Variants in DOCK4 observed in about 807,000 individuals in gnomAD.
DOCK4 encodes dedicator of cytokinesis protein 4.
In DOCK4, 97 loss-of-function variants were observed where a neutral mutation model predicts 268.1. The observed-to-expected ratio is 0.36, with a 90% CI of 0.31 to 0.43. The LOEUF (loss-of-function observed/expected upper bound fraction) is 0.43, where lower values mean the gene tolerates loss of function less well. Ranked by LOEUF, DOCK4 falls within the 20% of genes least tolerant of loss-of-function variation. The pLI, the probability that DOCK4 is intolerant of heterozygous loss-of-function variation, is 1.00. For missense variants in DOCK4, 2,145 were observed against 2,455.7 expected (o/e 0.87, Z 2.67); for synonymous variants, 954 against 887.2 (o/e 1.08, Z -1.34).
chr7:112,056,526 A>G (rs1563040519), intron 1 of DOCK4, among the ~76,000 whole-genome samples: 1 of 152,170 alleles, frequency 6.6e-6, no homozygotes, highest in Non-Finnish European at 1.5e-5. Flanking sequence ...ACCATGACGC[A>G]TTCAGAAAGA....
At chr7:112,194,503 A>T (rs191629697) in intron 1 of DOCK4, among the ~76,000 whole-genome samples, 26 of 152,370 alleles carry the variant, frequency 1.7e-4, no homozygotes, top group Non-Finnish European at 4.4e-5. Flanking sequence ...TCATATAACA[A>T]GGAAAGCTAC....
intron 1 of DOCK4, among the ~76,000 whole-genome samples, chr7:112,080,487 T>C (rs1053708033): frequency 1.3e-5 from 2 of 152,218 alleles, no homozygotes; most frequent in Admixed American, 1.3e-4. Context: ...GTTACATATC[T>C]GCCAGTTTTT....
chr7:112,037,609 T>C (rs1803928565), intron 1 of DOCK4, among the ~76,000 whole-genome samples: 2 of 152,248 alleles, frequency 1.3e-5, no homozygotes, highest in South Asian at 4.1e-4. Context: ...TATATCCATG[T>C]CATTGTGTAT....
chr7:111,733,342 CTGGG>C (rs1340425656), intron 51 of DOCK4, among the ~76,000 whole-genome samples: 3 of 152,226 alleles, frequency 2.0e-5, no homozygotes, highest in African/African-American at 7.2e-5. Context: ...TCTGTGTGCT[CTGGG>C]TCCTAAGGGG....
At chr7:111,840,797 G>T in intron 25 of DOCK4, 1 of 1,328,904 alleles carries the variant, frequency 7.5e-7, no homozygotes, top group African/African-American at 1.5e-5. Context: ...TTTTCCATAT[G>T]TGTCTGCACA....
intron 52 of DOCK4, among the ~76,000 whole-genome samples, chr7:111,730,731 C>T (rs1665535044): frequency 6.6e-6 from 1 of 152,110 alleles, no homozygotes; most frequent in African/African-American, 2.4e-5. Context: ...TAATGTAACC[C>T]AGGAGGTATA....
chr7:112,079,712 G>A (rs1376487331), intron 1 of DOCK4, among the ~76,000 whole-genome samples: 3 of 152,128 alleles, frequency 2.0e-5, no homozygotes, highest in Non-Finnish European at 4.4e-5. Context: ...CTGTGCTTTA[G>A]TTTCTTATTT....
At chr7:111,897,748 G>A (rs10953698) in intron 15 of DOCK4, among the ~76,000 whole-genome samples, 159 of 152,268 alleles carry the variant, frequency 1.0e-3, no homozygotes, top group Non-Finnish European at 2.0e-3. Context: ...CAAACTGGAC[G>A]TTACTCAACT....
chr7:111,785,043 C>T (rs1799068950), intron 32 of DOCK4, among the ~76,000 whole-genome samples: 1 of 152,184 alleles, frequency 6.6e-6, no homozygotes, highest in African/African-American at 2.4e-5. Flanking sequence ...AGTTTTCTCT[C>T]CATCATCCCC....
chr7:111,741,507 C>A (rs889969337), intron 46 of DOCK4, 33 bp downstream of exon 46: 1 of 1,607,328 alleles, frequency 6.2e-7, no homozygotes, highest in Non-Finnish European at 8.5e-7. Context: ...GCGGGTGAGG[C>A]CAAATTGTAA....
At chr7:112,172,129 G>A (rs1437398222) in intron 1 of DOCK4, among the ~76,000 whole-genome samples, 1 of 152,156 alleles carries the variant, frequency 6.6e-6, no homozygotes, top group South Asian at 2.1e-4. Flanking sequence ...TGAATTAGGG[G>A]TGAAGAGACA....
intron 13 of DOCK4, among the ~76,000 whole-genome samples, chr7:111,902,469 A>T (rs1368012119): frequency 1.3e-5 from 2 of 152,240 alleles, no homozygotes; most frequent in African/African-American, 2.4e-5. Flanking sequence ...GGTGATTTAT[A>T]AAACTTGAGT....
At chr7:111,821,855 A>C (rs1195908131) in intron 27 of DOCK4, 1 of 152,556 alleles carries the variant, frequency 6.6e-6, no homozygotes, top group Non-Finnish European at 1.5e-5. Context: ...AGAATTAAGA[A>C]AGATCAGAAA....
At chr7:112,132,398 C>G (rs1327990003) in intron 1 of DOCK4, among the ~76,000 whole-genome samples, 1 of 152,126 alleles carries the variant, frequency 6.6e-6, no homozygotes, top group Non-Finnish European at 1.5e-5. Flanking sequence ...CAGGAAAAAT[C>G]TGGGATAAAA....
chr7:111,744,184 G>T (rs1393017074), intron 44 of DOCK4, among the ~76,000 whole-genome samples: 5 of 152,126 alleles, frequency 3.3e-5, no homozygotes, highest in African/African-American at 1.2e-4. Flanking sequence ...TAGCAACCTT[G>T]GGCCAAGTGG....
intron 1 of DOCK4, among the ~76,000 whole-genome samples, chr7:112,086,261 A>G (rs1167747478): frequency 6.6e-6 from 1 of 152,132 alleles, no homozygotes; most frequent in Non-Finnish European, 1.5e-5. Context: ...GGAAATCCAG[A>G]AAAACTAGCT....
chr7:111,931,771 T>C (rs1212372609), intron 12 of DOCK4, among the ~76,000 whole-genome samples: 1 of 152,198 alleles, frequency 6.6e-6, no homozygotes, highest in African/African-American at 2.4e-5. Flanking sequence ...CTAGTGGCTT[T>C]AAAGTGGGTA....
intron 13 of DOCK4, 60 bp from the exon 14 acceptor site, chr7:111,901,861 C>T (rs1366324960): frequency 4.6e-6 from 6 of 1,312,322 alleles, no homozygotes; most frequent in East Asian, 2.5e-5. Flanking sequence ...TAATAAAGTG[C>T]TCTATCAAGA....
intron 30 of DOCK4, among the ~76,000 whole-genome samples, chr7:111,791,854 G>A (rs1799573787): frequency 6.6e-6 from 1 of 152,208 alleles, no homozygotes; most frequent in South Asian, 2.1e-4. Context: ...ACAAGCATGA[G>A]CCACCAGGCT....
Sources: gnomAD v4.1 joint callset for allele counts (sites outside exome capture counted in the v4.1 genomes callset) on GRCh38, gnomAD v4.1.1 for gene constraint, MANE v1.5 for transcripts, NCBI Gene and HGNC (gene_info 2026-07-23, HGNC 2026-07-21) for gene names.